Variants in AMPH observed in about 807,000 individuals in gnomAD.
AMPH encodes amphiphysin, also known as amphiphysin (Stiff-Mann syndrome with breast cancer 128kD autoantigen).
AMPH carries 49 observed loss-of-function variants against 99.1 expected under a neutral mutation model. The observed-to-expected ratio is 0.49, with a 90% CI of 0.39 to 0.63. The LOEUF (loss-of-function observed/expected upper bound fraction) is 0.63, where lower values mean the gene tolerates loss of function less well. AMPH is among the 20% of genes least tolerant of loss of function. The pLI, the probability that AMPH is intolerant of heterozygous loss-of-function variation, is 0.00. For missense variants in AMPH, 759 were observed against 863.4 expected (o/e 0.88, Z 1.52); for synonymous variants, 314 against 317.3 (o/e 0.99, Z 0.11).
At chr7:38,427,051 T>C in intron 14 of AMPH, 65 bp from the exon 15 acceptor site, 1 of 1,413,936 alleles carries the variant, frequency 7.1e-7, no homozygotes, top group Non-Finnish European at 1.0e-6. Flanking sequence ...GACCAGTAAA[T>C]ATCCATTAGA....
chr7:38,525,634 C>A (rs1194058965), intron 2 of AMPH, among the ~76,000 whole-genome samples: 1 of 152,066 alleles, frequency 6.6e-6, no homozygotes, highest in Non-Finnish European at 1.5e-5. Context: ...TGGCAACCAC[C>A]AAACTTTACT....
intron 1 of AMPH, among the ~76,000 whole-genome samples, chr7:38,577,481 C>T (rs546572867): frequency 1.4e-4 from 21 of 152,292 alleles, no homozygotes; most frequent in Admixed American, 4.6e-4. Flanking sequence ...GTTTGATTAG[C>T]GTAAGTTGAC....
At chr7:38,450,772 T>C (rs1786980811) in intron 11 of AMPH, among the ~76,000 whole-genome samples, 1 of 152,198 alleles carries the variant, frequency 6.6e-6, no homozygotes, top group Admixed American at 6.5e-5. Context: ...CTCCAACTTT[T>C]TATATGGAAG....
chr7:38,474,302 T>C (rs1437250780), intron 7 of AMPH, among the ~76,000 whole-genome samples: 1 of 151,482 alleles, frequency 6.6e-6, no homozygotes, highest in Non-Finnish European at 1.5e-5. Flanking sequence ...GAAATGCAGA[T>C]GTAGAGAGAA....
intron 1 of AMPH, among the ~76,000 whole-genome samples, chr7:38,552,358 G>A (rs939019099): frequency 6.6e-6 from 1 of 152,188 alleles, no homozygotes; most frequent in Non-Finnish European, 1.5e-5. Context: ...TCATTTGGAT[G>A]AGCACCAGAA....
intron 17 of AMPH, among the ~76,000 whole-genome samples, chr7:38,413,800 C>T (rs959687228): frequency 2.0e-5 from 3 of 152,204 alleles, no homozygotes; most frequent in Non-Finnish European, 4.4e-5. Flanking sequence ...GACAATAATT[C>T]AAGCTTCCTG....
intron 15 of AMPH, among the ~76,000 whole-genome samples, chr7:38,422,704 C>T (rs1311319265): frequency 2.0e-5 from 3 of 152,106 alleles, no homozygotes; most frequent in African/African-American, 7.2e-5. Flanking sequence ...TCACCGCATT[C>T]TCCACCTCCC....
intron 7 of AMPH, among the ~76,000 whole-genome samples, chr7:38,473,476 G>A (rs1291098786): frequency 3.0e-5 from 2 of 65,720 alleles, no homozygotes; most frequent in African/African-American, 7.1e-5. Context: ...AGGCCGAGGC[G>A]GGTGGATCAT....
At chr7:38,464,616 G>A (rs1463190741) in intron 9 of AMPH, among the ~76,000 whole-genome samples, 1 of 151,960 alleles carries the variant, frequency 6.6e-6, no homozygotes, top group African/African-American at 2.4e-5. Context: ...TAGAATGTCA[G>A]GACTGTATAT....
chr7:38,511,592 A>G lies in AMPH; in HGVS notation c.151-7888T>C, dbSNP rs567894005. Among the ~76,000 whole-genome samples the G allele has an allele frequency of 7.2e-5, 11 of 152,328 alleles. No individual in the cohort carries two copies. The South Asian group carries it at 2.3e-3, about 32-fold the overall frequency. Reference sequence around the variant, plus strand: ...AAGCATGAATACTAAAGGAAAAAAGAATAAGTTCATTTCCAAAATGAAAAT... The same window carrying G: ...AAGCATGAATACTAAAGGAAAAAAGGATAAGTTCATTTCCAAAATGAAAAT... On this transcript the variant is annotated intron_variant, in intron 2 of 20. Transcript: ENST00000356264.
At chr7:38,546,412 TA>T (rs35561179) in intron 1 of AMPH, among the ~76,000 whole-genome samples, 12 of 150,262 alleles carry the variant, frequency 8.0e-5, no homozygotes, top group Non-Finnish European at 1.3e-4. Flanking sequence ...AGTGAATTTC[TA>T]AAAAAAAAAT....
At chr7:38,450,372 C>T (rs1786963687) in intron 11 of AMPH, among the ~76,000 whole-genome samples, 1 of 152,210 alleles carries the variant, frequency 6.6e-6, no homozygotes, top group Admixed American at 6.5e-5. Flanking sequence ...AGGGACCCTG[C>T]CCCAAGCCCT....
Position 38,566,289 on chromosome 7 carries a change from T to C in AMPH, c.70-31278A>G, listed in dbSNP as rs117261264. Among the ~76,000 whole-genome samples the C allele has an allele frequency of 2.9e-3, 404 of 138,434 alleles. 1 individual carries two copies. Among genetic ancestry groups the C allele is most frequent in the Admixed American group, 3.6e-3 (47 of 13,014 alleles). 90.8% of individuals were successfully genotyped at this position (138,434 alleles called of 152,430 possible). On this transcript the variant is annotated intron_variant, in intron 1 of 20. Coordinates refer to ENST00000356264, the MANE Select transcript of AMPH (RefSeq NM_001635.4). ...AAATCTCTTGAAACTCATTAATGTC[T>C]TCTTTTGTCTTGTTTATTGTTTTTT...
intron 1 of AMPH, among the ~76,000 whole-genome samples, chr7:38,559,285 A>G (rs1791475567): frequency 6.6e-6 from 1 of 152,248 alleles, no homozygotes; most frequent in Admixed American, 6.5e-5. Flanking sequence ...GAGCAGTCAA[A>G]GGACTGCCTC....
chr7:38,487,856 G>A (rs1486714760), intron 5 of AMPH, among the ~76,000 whole-genome samples: 1 of 152,150 alleles, frequency 6.6e-6, no homozygotes, highest in African/African-American at 2.4e-5. Flanking sequence ...ATCAAAAAGT[G>A]GGCAAAGGCT....
rs1169013875 is a variant in AMPH at position 38,592,153 on chromosome 7, G to A, written c.69+39130C>T. Among the ~76,000 whole-genome samples the A allele has an allele frequency of 2.0e-5, 3 of 152,222 alleles. No individual in the cohort carries two copies. The East Asian group carries it at 5.8e-4, about 29-fold the overall frequency. On this transcript the variant is annotated intron_variant, in intron 1 of 20. Coordinates refer to ENST00000356264, the MANE Select transcript of AMPH (RefSeq NM_001635.4). ...TCTGCAGCAGAAACATGTCCTTAAG[G>A]CACAGATCGCTCATGCTATTGTTTG...
chr7:38,625,969 T>C (rs896867695), intron 1 of AMPH, among the ~76,000 whole-genome samples: 10 of 152,202 alleles, frequency 6.6e-5, no homozygotes, highest in African/African-American at 2.4e-4. Context: ...TTTTGTTCAG[T>C]GTATAATTGG....
intron 4 of AMPH, among the ~76,000 whole-genome samples, chr7:38,493,476 T>C (rs1311372934): frequency 6.6e-6 from 1 of 152,048 alleles, no homozygotes; most frequent in Admixed American, 6.5e-5. Context: ...ATTTTGTAGA[T>C]GAGGAAACTA....
chr7:38,494,372 A>AGTCC lies in AMPH; in HGVS notation c.300+60_300+61insGGAC, dbSNP rs1788844581. ...GACTGTGAAGTGGAAAGAGCAAGTC[A>AGTCC]GGGGACAGGTGGACTGAGCAAGGGT... On this transcript the variant is annotated intron_variant, in intron 4 of 20. Coordinates refer to ENST00000356264, the MANE Select transcript of AMPH (RefSeq NM_001635.4). 7 of 1,382,196 alleles carry AGTCC rather than the reference A, an allele frequency of 5.1e-6. 1 individual carries two copies. Among genetic ancestry groups the AGTCC allele is most frequent in the East Asian group, 4.6e-5 (2 of 43,558 alleles). 85.6% of individuals were successfully genotyped at this position (1,382,196 alleles called of 1,614,324 possible).
Sources: gnomAD v4.1 joint callset for allele counts (sites outside exome capture counted in the v4.1 genomes callset) on GRCh38, gnomAD v4.1.1 for gene constraint, MANE v1.5 for transcripts, NCBI Gene and HGNC (gene_info 2026-07-23, HGNC 2026-07-21) for gene names.